Variants in PRKDC observed in about 807,000 individuals in gnomAD.
PRKDC encodes the protein protein kinase, DNA-activated, catalytic subunit.
Under a neutral mutation model 486.9 loss-of-function variants are expected in PRKDC, and 82 were observed. The ratio of observed to expected loss-of-function variants is 0.17; its 90% confidence interval spans 0.14 to 0.20. The LOEUF (loss-of-function observed/expected upper bound fraction) is 0.20, where lower values mean the gene tolerates loss of function less well. Among genes scored for constraint, PRKDC ranks in the 10% least tolerant of loss-of-function variants. The pLI, the probability that PRKDC is intolerant of heterozygous loss-of-function variation, is 1.00. For synonymous variants in PRKDC, 1,895 were observed against 1,837.0 expected, an observed-to-expected ratio of 1.03 and a Z score of -0.81; for missense variants, 4,504 against 5,038.2, an observed-to-expected ratio of 0.89 and a Z score of 3.21.
chr8:47,871,648 G>C (rs2154501032), intron 40 of PRKDC, among the ~76,000 whole-genome samples: 1 of 152,154 alleles, frequency 6.6e-6, no homozygotes, highest in South Asian at 2.1e-4. Context: ...GCCCAGGCTG[G>C]AGTGCAGTGG....
In PRKDC at chr8:47,954,592, G is replaced by A. The variant is rs16932317; in HGVS notation, c.400-146C>T. 6.7e-3 allele frequency: 2,421 copies of A among 362,498 alleles called. 64 individuals are homozygous for A. Among genetic ancestry groups the A allele is most frequent in the African/African-American group, 0.046 (2,186 of 47,918 alleles). 22.5% of individuals were successfully genotyped at this position (362,498 alleles called of 1,614,324 possible). On this transcript the variant is annotated intron_variant, in intron 4 of 85. Coordinates refer to ENST00000314191, the MANE Select transcript of PRKDC (RefSeq NM_006904.7). ...CCACAGCAAAGGTTCAGAATTAGGT[G>A]TGTCTCAAGGATTTACACTTGGTCT... is the stretch of plus-strand genomic sequence containing the variant.
At position 47,867,069 on chromosome 8, in the gene PRKDC, T is replaced by C. The variant is rs1389642980; in HGVS notation, c.5364-2306A>G. ...TGGCATTATGTTTAACAGCAAAAGATTGAACCCAGAAGTCCATTGGCAAAG... is the reference window on the plus strand; with the variant it reads ...TGGCATTATGTTTAACAGCAAAAGACTGAACCCAGAAGTCCATTGGCAAAG... On this transcript the variant is annotated intron_variant, in intron 40 of 85. Coordinates refer to ENST00000314191, the MANE Select transcript of PRKDC (RefSeq NM_006904.7). 4.6e-5 allele frequency among the ~76,000 whole-genome samples: 7 copies of C among 152,144 alleles called. No individual in the cohort carries two copies. The South Asian group carries it at 1.2e-3, about 27-fold the overall frequency.
At chr8:47,888,168 G>A (rs1390085330) in intron 34 of PRKDC, among the ~76,000 whole-genome samples, 6 of 152,158 alleles carry the variant, frequency 3.9e-5, no homozygotes, top group Admixed American at 3.9e-4. Flanking sequence ...ATGAGCCACT[G>A]TATCTGGCTC....
intron 80 of PRKDC, among the ~76,000 whole-genome samples, chr8:47,779,626 T>C (rs2086665538): frequency 6.6e-6 from 1 of 152,172 alleles, no homozygotes; most frequent in Admixed American, 6.6e-5. Flanking sequence ...AGTCTAGCTC[T>C]GTCGCCAGGC....
At chr8:47,844,354 A>G (rs1210353862) in intron 54 of PRKDC, among the ~76,000 whole-genome samples, 1 of 152,244 alleles carries the variant, frequency 6.6e-6, no homozygotes, top group Non-Finnish European at 1.5e-5. Flanking sequence ...TAACTATACT[A>G]CATATATAAG....
chr8:47,845,260 G>A (rs1027432644), intron 54 of PRKDC, among the ~76,000 whole-genome samples: 1 of 152,022 alleles, frequency 6.6e-6, no homozygotes, highest in African/African-American at 2.4e-5. Flanking sequence ...CCTAAAGACA[G>A]CAGAAGAAAA....
chr8:47,937,467 A>G (rs2090371443), intron 11 of PRKDC, among the ~76,000 whole-genome samples: 1 of 152,170 alleles, frequency 6.6e-6, no homozygotes, highest in Non-Finnish European at 1.5e-5. Flanking sequence ...CCAGGAGTCC[A>G]TACATGACTG....
chr8:47,900,496 C>T (rs747983980), intron 27 of PRKDC, 29 bp from the exon 28 acceptor site: 1 of 1,523,434 alleles, frequency 6.6e-7, no homozygotes, highest in South Asian at 1.2e-5. Flanking sequence ...GAAACCTCAC[C>T]TAAGAAAACA....
At chr8:47,838,649 C>T (rs1312222280) in intron 56 of PRKDC, among the ~76,000 whole-genome samples, 2 of 152,158 alleles carry the variant, frequency 1.3e-5, no homozygotes, top group Non-Finnish European at 2.9e-5. Context: ...TACCCCTCTT[C>T]TTATATAATC....
Position 47,959,960 on chromosome 8 carries a change from G to C in PRKDC, c.154+13C>G. ...CAGGACCCACCCGCGGCCCAGCTCG[G>C]GCCGGTACCCACCCAGCACCGCGGG... On this transcript the variant is annotated intron_variant, in intron 1 of 85. Coordinates refer to ENST00000314191, the MANE Select transcript of PRKDC (RefSeq NM_006904.7). 6.5e-7 allele frequency: 1 copy of C among 1,534,788 alleles called. No individual in the cohort carries two copies. Among genetic ancestry groups the C allele is most frequent in the South Asian group, 1.2e-5 (1 of 83,976 alleles).
chr8:47,941,932 A>G (rs1316924950), intron 10 of PRKDC, among the ~76,000 whole-genome samples: 1 of 152,266 alleles, frequency 6.6e-6, no homozygotes, highest in African/African-American at 2.4e-5. Context: ...TGTGAAACAG[A>G]GATGTCTGCG....
chr8:47,783,923 T>C, intron 77 of PRKDC, 114 bp from the exon 78 acceptor site: 7 of 1,063,792 alleles, frequency 6.6e-6, no homozygotes, highest in Non-Finnish European at 1.0e-5. Flanking sequence ...TAAAACCTTT[T>C]ACTGAAAAGT....
intron 1 of PRKDC, 36 bp from the exon 2 acceptor site, chr8:47,957,467 G>A (rs1325455080): frequency 6.6e-7 from 1 of 1,504,418 alleles, no homozygotes; most frequent in East Asian, 2.4e-5. Context: ...TTAAGAGAGT[G>A]CCAAGAGCAT....
chr8:47,912,219 G>A (rs959668087), intron 25 of PRKDC, among the ~76,000 whole-genome samples, 191 bp downstream of exon 25: 3 of 152,116 alleles, frequency 2.0e-5, no homozygotes, highest in Non-Finnish European at 4.4e-5. Flanking sequence ...GAAAGTGGAG[G>A]GGAGAGCTTT....
chr8:47,847,768 A>C (rs868744806), intron 54 of PRKDC, among the ~76,000 whole-genome samples: 2 of 152,150 alleles, frequency 1.3e-5, no homozygotes, highest in Middle Eastern at 3.4e-3. Context: ...CGAAGGTCTA[A>C]TATCCAGAAT....
intron 24 of PRKDC, 25 bp from the exon 25 acceptor site, chr8:47,912,587 A>G: frequency 6.4e-7 from 1 of 1,553,262 alleles, no homozygotes; most frequent in Non-Finnish European, 8.7e-7. Context: ...GAGGTCAGCA[A>G]TGTTTAAGTT....
Position 47,954,228 on chromosome 8 carries a change from T to G in PRKDC, c.508+110A>C, listed in dbSNP as rs1231203. 502,249 of 507,578 alleles carry G rather than the reference T, an allele frequency of 0.99. 248,499 individuals carry two copies. Among genetic ancestry groups the G allele is most frequent in the East Asian group, 1 (29,952 of 29,952 alleles). 31.4% of individuals were successfully genotyped at this position (507,578 alleles called of 1,614,324 possible). A position where few individuals can be genotyped will look rare whatever the true frequency, so the allele number is the denominator to read the frequency against. On this transcript the variant is annotated intron_variant, in intron 5 of 85. Coordinates refer to ENST00000314191, the MANE Select transcript of PRKDC (RefSeq NM_006904.7). The stretch of plus-strand genomic sequence containing the variant: ...ATTTTGGTTTATTTTCAGCAAAAAG[T>G]ATTCGACTGTAAAATAAGACCTTGG...
intron 27 of PRKDC, among the ~76,000 whole-genome samples, chr8:47,901,968 A>T (rs1159378497): frequency 1.3e-5 from 2 of 152,182 alleles, no homozygotes; most frequent in African/African-American, 4.8e-5. Context: ...CTCTCTACAC[A>T]GCTACCAGCA....
At position 47,782,263 on chromosome 8, in the gene PRKDC, G is replaced by A. The variant is rs374410164; in HGVS notation, c.11397-9C>T. On this transcript the variant is annotated splice_polypyrimidine_tract_variant and intron_variant, in intron 79 of 85. Coordinates refer to ENST00000314191, the MANE Select transcript of PRKDC (RefSeq NM_006904.7). This position sits in a 1 kb window ranked among gnomAD's most constrained non-coding sequence, Gnocchi z 4.9. The stretch of plus-strand genomic sequence containing the variant: ...ACTCAATTAATCCTAACCTGAAAGG[G>A]AGAATAAAAGGTTAACGAGTAAACC... 93 of 1,613,132 alleles carry A rather than the reference G, an allele frequency of 5.8e-5. No homozygotes were observed. The highest frequency in any genetic ancestry group is 4.9e-4 in the Middle Eastern group (3 of 6,062).
Sources: allele counts gnomAD v4.1 joint callset (sites outside exome capture counted in the v4.1 genomes callset), GRCh38; gene constraint gnomAD v4.1.1; non-coding constraint Gnocchi (gnomAD v3.1); transcripts MANE v1.5; gene names NCBI Gene and HGNC (gene_info 2026-07-23, HGNC 2026-07-21).